Variants in TMEM232 observed in about 807,000 individuals in gnomAD.
The protein encoded by TMEM232 is transmembrane protein 232.
TMEM232 carries 80 observed loss-of-function variants against 78.8 expected under a neutral mutation model. That is an observed-to-expected ratio of 1.01 (90% CI 0.85 to 1.22). The LOEUF (loss-of-function observed/expected upper bound fraction) is 1.22. Among genes scored for constraint, TMEM232 ranks in the 50% most tolerant of loss-of-function variants. The pLI is 0.00. For missense variants in TMEM232, 881 were observed against 742.2 expected (o/e 1.19, Z -2.17); for synonymous variants, 297 against 254.3 (o/e 1.17, Z -1.60).
chr5:110,446,381 C>T (rs1477268595), intron 12 of TMEM232, among the ~76,000 whole-genome samples: 5 of 152,122 alleles, frequency 3.3e-5, no homozygotes, highest in Admixed American at 2.0e-4. Flanking sequence ...GCAGATTAAA[C>T]AAGAAATACT....
chr5:110,565,436 T>G (rs186718746), intron 11 of TMEM232, among the ~76,000 whole-genome samples: 1 of 151,964 alleles, frequency 6.6e-6, no homozygotes, highest in South Asian at 2.1e-4. Context: ...ACCTTTGCTG[T>G]AGGTTCTGTG....
intron 10 of TMEM232, among the ~76,000 whole-genome samples, chr5:110,591,290 T>C (rs1295376484): frequency 3.9e-5 from 6 of 152,230 alleles, no homozygotes; most frequent in African/African-American, 1.4e-4. Context: ...AAACCTGGTC[T>C]CTACTAAAAA....
intron 1 of TMEM232, among the ~76,000 whole-genome samples, chr5:110,693,971 T>C (rs1194407990): frequency 1.3e-5 from 2 of 152,006 alleles, no homozygotes; most frequent in African/African-American, 2.4e-5. Flanking sequence ...AAGATACTCC[T>C]CGAGAAGAGC....
chr5:110,625,628 CG>C, intron 6 of TMEM232, 195 bp from the exon 7 acceptor site: 2 of 354,386 alleles, frequency 5.6e-6, no homozygotes, highest in Non-Finnish European at 4.9e-6. Context: ...ATAATTTATA[CG>C]TAAGAGTTTA....
chr5:110,407,956 T>C (rs4957902), intron 2 of TMEM232, among the ~76,000 whole-genome samples: 8,595 of 152,158 alleles, frequency 0.056, 499 homozygotes, highest in East Asian at 0.23. Flanking sequence ...CCTTGGAAAT[T>C]AAACAGCATG....
intron 2 of TMEM232, among the ~76,000 whole-genome samples, chr5:110,658,145 T>G (rs1019238362): frequency 1.3e-5 from 2 of 152,116 alleles, no homozygotes; most frequent in Admixed American, 1.3e-4. Flanking sequence ...CTCCCTTGAA[T>G]TTGTCATTTC....
chr5:110,732,513 A>C (rs918360726), intron 2 of TMEM232, among the ~76,000 whole-genome samples: 1 of 152,222 alleles, frequency 6.6e-6, no homozygotes, highest in African/African-American at 2.4e-5. Context: ...GGCACTTCTT[A>C]CATGACAGTG....
At chr5:110,651,409 A>C (rs1788280304) in intron 2 of TMEM232, among the ~76,000 whole-genome samples, 1 of 151,622 alleles carries the variant, frequency 6.6e-6, no homozygotes, top group South Asian at 2.1e-4. Flanking sequence ...AGACTTAGAA[A>C]AAGAAGAGTG....
chr5:110,599,799 G>T (rs1780666222), intron 10 of TMEM232, among the ~76,000 whole-genome samples: 1 of 152,104 alleles, frequency 6.6e-6, no homozygotes, highest in African/African-American at 2.4e-5. Context: ...ATTGAACTCA[G>T]CTCTGGACCA....
intron 8 of TMEM232, among the ~76,000 whole-genome samples, chr5:110,613,821 T>C (rs970236509): frequency 1.3e-5 from 2 of 152,148 alleles, no homozygotes; most frequent in Non-Finnish European, 2.9e-5. Context: ...ATTGTTTATC[T>C]GGAGTTATGG....
At chr5:110,728,865 T>TTTA (rs201236902), upstream of TMEM232, among the ~76,000 whole-genome samples, 2 of 149,400 alleles carry the variant, frequency 1.3e-5, no homozygotes, top group East Asian at 3.9e-4. Context: ...TTTTTTTTTT[T>TTTA]ACCAGTCTTT....
intron 12 of TMEM232, among the ~76,000 whole-genome samples, chr5:110,470,467 G>T (rs1377664104): frequency 6.6e-6 from 1 of 152,120 alleles, no homozygotes; most frequent in Non-Finnish European, 1.5e-5. Context: ...AACCCAGCAT[G>T]CTGCAGCTGC....
intron 11 of TMEM232, among the ~76,000 whole-genome samples, chr5:110,536,232 G>A (rs1040679227): frequency 1.3e-5 from 2 of 152,224 alleles, no homozygotes; most frequent in African/African-American, 4.8e-5. Context: ...GTTTCCATGT[G>A]GAAGCCCTTG....
At chr5:110,500,817 T>A (rs1021221069) in intron 12 of TMEM232, among the ~76,000 whole-genome samples, 5 of 152,220 alleles carry the variant, frequency 3.3e-5, no homozygotes, top group African/African-American at 1.2e-4. Context: ...TACATCATCA[T>A]GGGTCTGGAA....
intron 2 of TMEM232, among the ~76,000 whole-genome samples, chr5:110,660,495 G>A (rs1167291772): frequency 1.3e-5 from 2 of 151,782 alleles, no homozygotes; most frequent in Non-Finnish European, 2.9e-5. Flanking sequence ...GAAGAAAGAA[G>A]AGTTAAAAAG....
chr5:110,601,806 A>C (rs1211472906), intron 10 of TMEM232, among the ~76,000 whole-genome samples: 1 of 152,172 alleles, frequency 6.6e-6, no homozygotes, highest in Non-Finnish European at 1.5e-5. Flanking sequence ...ATTAAATTTC[A>C]TATGGAACCA....
chr5:110,409,449 A>C (rs1478194926), intron 2 of TMEM232, among the ~76,000 whole-genome samples: 3 of 152,224 alleles, frequency 2.0e-5, no homozygotes, highest in Non-Finnish European at 4.4e-5. Flanking sequence ...AAACACTATC[A>C]ATTATGGGAA....
At chr5:110,603,641 A>G (rs748410059) in intron 10 of TMEM232, among the ~76,000 whole-genome samples, 2 of 152,202 alleles carry the variant, frequency 1.3e-5, no homozygotes, top group Non-Finnish European at 2.9e-5. Flanking sequence ...GTGAACAGCA[A>G]AAGAAATGAG....
At position 110,655,329 on chromosome 5, in the gene TMEM232, A is replaced by G. The variant is rs1459307935; in HGVS notation, c.125+11899T>C. 4.0e-5 allele frequency among the ~76,000 whole-genome samples: 6 copies of G among 150,234 alleles called. No homozygotes were observed. In the East Asian group the frequency reaches 9.8e-4, roughly 24 times the overall value. On this transcript the variant is annotated intron_variant, in intron 2 of 13. Coordinates refer to ENST00000455884, the MANE Select transcript of TMEM232 (RefSeq NM_001039763.4). Reference sequence around the variant, plus strand: ...AATGCTCATCATCACTGGCCATCAGAGAAATGCAAATCAAAACCACAATGA... The same window carrying G: ...AATGCTCATCATCACTGGCCATCAGGGAAATGCAAATCAAAACCACAATGA...
Sources: gnomAD v4.1 joint callset for allele counts (sites outside exome capture counted in the v4.1 genomes callset) on GRCh38, gnomAD v4.1.1 for gene constraint, MANE v1.5 for transcripts, NCBI Gene and HGNC (gene_info 2026-07-23, HGNC 2026-07-21) for gene names.